CAMTA1: variants seen among roughly 807,000 people sequenced by gnomAD.
CAMTA1 encodes calmodulin-binding transcription activator 1.
CAMTA1 carries 27 observed loss-of-function variants against 170.9 expected under a neutral mutation model. That is an observed-to-expected ratio of 0.16 (90% CI 0.12 to 0.22). CAMTA1 has a LOEUF of 0.22. Ranked by LOEUF, CAMTA1 falls within the 10% of genes least tolerant of loss-of-function variation. CAMTA1 has a pLI of 1.00. For missense variants in CAMTA1, 1,619 were observed against 2,217.2 expected (o/e 0.73, Z 5.42); for synonymous variants, 833 against 891.5 (o/e 0.93, Z 1.17).
rs149537548 is a variant in CAMTA1, at chr1:7,244,708, A to G, written c.303-4783A>G. ...CTGAACAATGAGAGCCCATGGACAC[A>G]GGAAGGGGAACAGCACACACTGGGG... On this transcript the variant is annotated intron_variant, in intron 4 of 22. Coordinates refer to ENST00000303635, the MANE Select transcript of CAMTA1 (RefSeq NM_015215.4). Among the ~76,000 whole-genome samples the G allele has an allele frequency of 7.6e-3, 1,130 of 148,690 alleles. 16 individuals are homozygous for G. The highest frequency in any genetic ancestry group is 0.027 in the African/African-American group (1,086 of 40,700).
chr1:7,399,246 C>A (rs186380373), intron 5 of CAMTA1, among the ~76,000 whole-genome samples: 2 of 152,140 alleles, frequency 1.3e-5, no homozygotes, highest in African/African-American at 4.8e-5. Flanking sequence ...TTTAAAATAG[C>A]CTGGCACCTT....
At chr1:7,352,392 C>T (rs1329423044) in intron 5 of CAMTA1, among the ~76,000 whole-genome samples, 1 of 152,174 alleles carries the variant, frequency 6.6e-6, no homozygotes, top group African/African-American at 2.4e-5. Flanking sequence ...TGGGAAGATT[C>T]TGCAGGTTGG....
intron 3 of CAMTA1, among the ~76,000 whole-genome samples, chr1:6,878,420 G>T (rs1339699926): frequency 6.6e-6 from 1 of 152,202 alleles, no homozygotes; most frequent in Non-Finnish European, 1.5e-5. Context: ...TGTTATTTAG[G>T]ATTATCAGCT....
intron 1 of CAMTA1, among the ~76,000 whole-genome samples, chr1:6,798,220 T>A (rs1052705305): frequency 1.3e-5 from 2 of 152,008 alleles, no homozygotes; most frequent in African/African-American, 4.8e-5. Flanking sequence ...ACTCCTGACC[T>A]CAGGTGATTC....
rs1209131926 is a variant in CAMTA1 at position 7,673,791 on chromosome 1, AATTC to A, written c.2779+2766_2779+2769del. ...TCTGTAAAACAGCACTGGATGTATT[AATTC>A]ATTCATTCATTTCTTCATTTGCCAA... On this transcript the variant is annotated intron_variant, in intron 10 of 22. Coordinates refer to ENST00000303635, the MANE Select transcript of CAMTA1 (RefSeq NM_015215.4). The surrounding 1 kb of genome is among the most constrained non-coding windows in gnomAD (Gnocchi z 4.6). Among the ~76,000 whole-genome samples the A allele has an allele frequency of 4.2e-5, 3 of 71,964 alleles. No individual in the cohort carries two copies. The highest frequency in any genetic ancestry group is 4.7e-4 in the East Asian group (2 of 4,238). The allele number at this position is 71,964 out of a possible 152,430, so 47.2% of individuals were successfully genotyped here.
chr1:7,603,547 C>T (rs2095463117), intron 6 of CAMTA1, among the ~76,000 whole-genome samples: 1 of 152,274 alleles, frequency 6.6e-6, no homozygotes, highest in African/African-American at 2.4e-5. Flanking sequence ...AGATCTTCCT[C>T]CATCCCTTTC....
At chr1:7,028,392 A>T (rs4908586) in intron 3 of CAMTA1, among the ~76,000 whole-genome samples, 20,821 of 152,194 alleles carry the variant, frequency 0.14, 1,551 homozygotes, top group Non-Finnish European at 0.18. Context: ...AAATCACAGC[A>T]TGAGCCAATG....
chr1:7,568,144 CCAT>C (rs879294650), intron 6 of CAMTA1, among the ~76,000 whole-genome samples: 2 of 150,852 alleles, frequency 1.3e-5, no homozygotes, highest in Non-Finnish European at 2.9e-5. Context: ...ATCACTATCA[CCAT>C]CATCATCCTT....
intron 6 of CAMTA1, among the ~76,000 whole-genome samples, chr1:7,582,596 A>G (rs1480555088): frequency 6.6e-6 from 1 of 152,160 alleles, no homozygotes; most frequent in African/African-American, 2.4e-5. Flanking sequence ...TTGTTGCTGT[A>G]ACATCCACTC....
At chr1:7,367,186 A>G (rs1195841188) in intron 5 of CAMTA1, among the ~76,000 whole-genome samples, 1 of 152,184 alleles carries the variant, frequency 6.6e-6, no homozygotes, top group Non-Finnish European at 1.5e-5. Context: ...TGGCAAGGTG[A>G]CATTGAGTGT....
intron 6 of CAMTA1, among the ~76,000 whole-genome samples, chr1:7,564,457 C>T (rs1401826325): frequency 6.6e-6 from 1 of 152,242 alleles, no homozygotes; most frequent in Admixed American, 6.5e-5. Flanking sequence ...TCTTCAGAAG[C>T]TCTGTAAGCT....
chr1:7,498,977 G>C (rs62641601), intron 6 of CAMTA1, among the ~76,000 whole-genome samples: 8,005 of 140,004 alleles, frequency 0.057, 338 homozygotes, highest in Non-Finnish European at 0.081. Flanking sequence ...GTGTGAGTCT[G>C]GTGTGCGTGT....
chr1:6,960,567 T>C (rs1567402), intron 3 of CAMTA1, among the ~76,000 whole-genome samples: 150,267 of 152,288 alleles, frequency 0.99, 74,159 homozygotes, highest in Middle Eastern at 1. Flanking sequence ...CCCCACCGCC[T>C]GAAGCAAAAT....
chr1:7,201,961 A>G (rs1169440909), intron 4 of CAMTA1, among the ~76,000 whole-genome samples: 1 of 152,206 alleles, frequency 6.6e-6, no homozygotes, highest in African/African-American at 2.4e-5. Flanking sequence ...TGCTTTGCCA[A>G]TCCAAGGCCG....
Position 6,825,116 on chromosome 1 carries a change from G to A in CAMTA1, c.140G>A (p.Ser47Asn). 6.2e-7 allele frequency: 1 copy of A among 1,601,512 alleles called. No homozygotes were observed. Among genetic ancestry groups the A allele is most frequent in the Non-Finnish European group, 8.5e-7 (1 of 1,172,422 alleles). Residue 47 changes from serine to asparagine, a missense_variant, in exon 3 of 23, where the codon AGT (serine) becomes AAT (asparagine). Coordinates refer to ENST00000303635, the MANE Select transcript of CAMTA1 (RefSeq NM_015215.4). ...IEDDHGNSNS[S>N]HVKIFLPKKL... is the part of the protein sequence containing the mutation. The stretch of plus-strand genomic sequence containing the variant: ...GATGATCATGGGAACAGCAATAGTA[G>A]TCATGTAAAAATCTTTTTACCGAAA...
chr1:7,384,105 G>C (rs946957243), intron 5 of CAMTA1, among the ~76,000 whole-genome samples: 1 of 152,202 alleles, frequency 6.6e-6, no homozygotes, highest in Middle Eastern at 3.2e-3. Flanking sequence ...AGGTGGCAGG[G>C]GAAAGCTGTG....
chr1:7,530,821 T>G lies in CAMTA1; in HGVS notation c.510+62920T>G, dbSNP rs977211742. 2.8e-3 allele frequency among the ~76,000 whole-genome samples: 411 copies of G among 147,490 alleles called. 2 individuals are homozygous for G. Among genetic ancestry groups the G allele is most frequent in the African/African-American group, 9.0e-3 (358 of 39,734 alleles). On this transcript the variant is annotated intron_variant, in intron 6 of 22. Coordinates refer to ENST00000303635, the MANE Select transcript of CAMTA1 (RefSeq NM_015215.4). ...AGCACTGTGAGCTCTTGTTTTTTTT[T>G]TTTTTTTTTTTGAGACTGAGTCTTG...
At chr1:6,788,101 G>T (rs925128466) in intron 1 of CAMTA1, among the ~76,000 whole-genome samples, 2 of 152,078 alleles carry the variant, frequency 1.3e-5, no homozygotes, top group Non-Finnish European at 2.9e-5. Flanking sequence ...CTTTTCTCTT[G>T]GACAGGGGAA....
At chr1:7,710,120 A>G (rs2096558104) in intron 11 of CAMTA1, among the ~76,000 whole-genome samples, 1 of 152,262 alleles carries the variant, frequency 6.6e-6, no homozygotes, top group Non-Finnish European at 1.5e-5. Flanking sequence ...AATTCAACAG[A>G]TAGTCTCCAG....
Sources: gnomAD v4.1 joint callset for allele counts (sites outside exome capture counted in the v4.1 genomes callset) on GRCh38, gnomAD v4.1.1 for gene constraint, Gnocchi (gnomAD v3.1) non-coding constraint, MANE v1.5 for transcripts, NCBI Gene and HGNC (gene_info 2026-07-23, HGNC 2026-07-21) for gene names.